SEPTIN9: variants seen among roughly 807,000 people sequenced by gnomAD.
The protein encoded by SEPTIN9 is septin 9, also known as septin-9.
Under a neutral mutation model 56.6 loss-of-function variants are expected in SEPTIN9, and 13 were observed. The observed-to-expected ratio is 0.23, with a 90% confidence interval of 0.15 to 0.37. SEPTIN9 has a LOEUF of 0.37. Among genes scored for constraint, SEPTIN9 ranks in the 10% least tolerant of loss-of-function variants. The probability of loss-of-function intolerance (pLI) is 1.00; values close to 1 mark genes in which losing one functional copy is unlikely to be tolerated. For missense variants in SEPTIN9, 650 were observed against 823.1 expected, an observed-to-expected ratio of 0.79 and a Z score of 2.57; for synonymous variants, 332 against 334.1, an observed-to-expected ratio of 0.99 and a Z score of 0.07.
intron 2 of SEPTIN9, chr17:77,397,088 CGTT>C (rs1249993856): frequency 6.5e-6 from 1 of 154,836 alleles, no homozygotes; most frequent in Non-Finnish European, 1.5e-5. Context: ...CCAGGGGTCT[CGTT>C]GTGAGTGTCC....
intron 2 of SEPTIN9, chr17:77,376,107 G>A: frequency 4.1e-6 from 4 of 986,492 alleles, no homozygotes; most frequent in Non-Finnish European, 4.8e-6. Flanking sequence ...GGCGGACCTT[G>A]AGGGAGAGTA....
Position 77,367,019 on chromosome 17 carries a change from T to C in SEPTIN9, c.77-35040T>C, listed in dbSNP as rs2034591593. Among the ~76,000 whole-genome samples, 1 of 152,318 alleles carries C rather than the reference T, an allele frequency of 6.6e-6. No homozygotes were observed. The highest frequency in any genetic ancestry group is 2.1e-4 in the South Asian group (1 of 4,830). ...AGGCTGGGGGGATCACTGGGAAGTC[T>C]GGGGAACAGATTGGTCATGTGCTTC... On this transcript the variant is annotated intron_variant, in intron 2 of 11. Transcript: ENST00000427177. This position sits in a 1 kb window ranked among gnomAD's most constrained non-coding sequence, Gnocchi z 4.5.
intron 1 of SEPTIN9, among the ~76,000 whole-genome samples, chr17:77,292,338 T>C (rs749844099): frequency 1.3e-5 from 2 of 152,254 alleles, no homozygotes; most frequent in Non-Finnish European, 2.9e-5. Flanking sequence ...TGTTATACTC[T>C]GATGGCTGGA....
In SEPTIN9 at chr17:77,425,501, T is replaced by TTG. The variant is rs2036871614; in HGVS notation, c.721+22798_721+22799insTG. On this transcript the variant is annotated intron_variant, in intron 3 of 11. Coordinates refer to ENST00000427177, the MANE Select transcript of SEPTIN9 (RefSeq NM_001113491.2). The surrounding 1 kb of genome is among the most constrained non-coding windows in gnomAD (Gnocchi z 4.2). ...CCTCTCTGGTCATGGGGACGCTGCC[T>TTG]GGGGGGGGTTCCCTTACATGGAAGG... Among the ~76,000 whole-genome samples, 2 of 151,830 alleles carry TTG rather than the reference T, an allele frequency of 1.3e-5. No individual in the cohort carries two copies. Among genetic ancestry groups the TTG allele is most frequent in the South Asian group, 4.2e-4 (2 of 4,786 alleles).
At chr17:77,290,697 C>A (rs2031504837) in intron 1 of SEPTIN9, among the ~76,000 whole-genome samples, 2 of 149,260 alleles carry the variant, frequency 1.3e-5, no homozygotes. Flanking sequence ...CGCCTGTAGT[C>A]CCAGCTACTC....
At chr17:77,397,979 G>GTTT (rs35934255) in intron 2 of SEPTIN9, among the ~76,000 whole-genome samples, 1 of 141,604 alleles carries the variant, frequency 7.1e-6, no homozygotes. Context: ...GGTTTTGGTT[G>GTTT]TTTTTTTTTT....
intron 1 of SEPTIN9, chr17:77,286,406 AC>A (rs1280197034): frequency 2.0e-5 from 3 of 152,030 alleles, no homozygotes; most frequent in South Asian, 2.1e-4. Flanking sequence ...TCCTGGAACC[AC>A]CCCCCACAAG....
At position 77,499,368 on chromosome 17, in the gene SEPTIN9, A is replaced by ATC. The variant is rs1045238538; in HGVS notation, c.*711_*712dup. ...AGGGAGGCGTCTTCATCTCCCTGCCATCCCCCTCTCACGCCACCCCCGCCC... is the reference window on the plus strand; with the variant it reads ...AGGGAGGCGTCTTCATCTCCCTGCCATCTCCCCCTCTCACGCCACCCCCGCCC... On this transcript the variant is annotated 3_prime_UTR_variant, in exon 12 of 12. Transcript: ENST00000427177. 1.0e-5 allele frequency: 6 copies of ATC among 575,948 alleles called. No individual in the cohort carries two copies. In the African/African-American group the frequency reaches 1.1e-4, roughly 10 times the overall value. 35.7% of individuals were successfully genotyped at this position (575,948 alleles called of 1,614,324 possible). A position where few individuals can be genotyped will look rare whatever the true frequency, so the allele number is the denominator to read the frequency against.
At position 77,402,302 on chromosome 17, in the gene SEPTIN9, G is replaced by A. The variant is rs779842220; in HGVS notation, c.320G>A (p.Arg107His). Reference protein sequence around the residue: ...GPKAAEPVSRRTELSIDISSK... With the variant: ...GPKAAEPVSRHTELSIDISSK... The stretch of plus-strand genomic sequence containing the variant: ...AAGGCGGCCGAGCCGGTGTCCCGGC[G>A]CACTGAGCTGTCCATTGACATCTCG... The change falls in exon 3 of 12, where the codon CGC (arginine) becomes CAC (histidine). Residue 107 changes from arginine to histidine, a missense_variant. Around this residue, in one of 2 missense-constraint regions of SEPTIN9, gnomAD observed 317 missense variants for 329.1 expected, o/e 0.96. Coordinates refer to ENST00000427177, the MANE Select transcript of SEPTIN9 (RefSeq NM_001113491.2). The surrounding 1 kb of genome is among the most constrained non-coding windows in gnomAD (Gnocchi z 6.6). 19 of 1,612,486 alleles carry A rather than the reference G, an allele frequency of 1.2e-5. No homozygotes were observed. Among genetic ancestry groups the A allele is most frequent in the Non-Finnish European group, 1.5e-5 (18 of 1,179,778 alleles).
rs146532833 is a variant in SEPTIN9, at chr17:77,492,882, T to G, written c.1477-98T>G. 684 of 1,283,448 alleles carry G rather than the reference T, an allele frequency of 5.3e-4. No individual in the cohort carries two copies. The African/African-American group carries it at 8.1e-3, about 15-fold the overall frequency. The allele number at this position is 1,283,448 out of a possible 1,614,324, so 79.5% of individuals were successfully genotyped here. The stretch of plus-strand genomic sequence containing the variant: ...GCTGTCAGGCTGAGGCTCTCGTTTT[T>G]GGGGGACCCCAGGCTCAGGGCAGCT... On this transcript the variant is annotated intron_variant, in intron 9 of 11. Coordinates refer to ENST00000427177, the MANE Select transcript of SEPTIN9 (RefSeq NM_001113491.2). This position sits in a 1 kb window ranked among gnomAD's most constrained non-coding sequence, Gnocchi z 5.4.
At position 77,405,886 on chromosome 17, in the gene SEPTIN9, C is replaced by T. The variant is rs1198491464; in HGVS notation, c.721+3183C>T. 6.6e-6 allele frequency among the ~76,000 whole-genome samples: 1 copy of T among 152,234 alleles called. No homozygotes were observed. Among genetic ancestry groups the T allele is most frequent in the African/African-American group, 2.4e-5 (1 of 41,456 alleles). On this transcript the variant is annotated intron_variant, in intron 3 of 11. Transcript: ENST00000427177. The surrounding 1 kb of genome is among the most constrained non-coding windows in gnomAD (Gnocchi z 5.8). ...GGCTGGGCTGGGAGTTCCCTGAGCC[C>T]CGACATGCACAGCTCTGACCAATCT... is the stretch of plus-strand genomic sequence containing the variant.
At chr17:77,301,045 G>A (rs374416766) in intron 1 of SEPTIN9, among the ~76,000 whole-genome samples, 2 of 128,866 alleles carry the variant, frequency 1.6e-5, no homozygotes, top group African/African-American at 3.0e-5. Context: ...CCTATCCCAG[G>A]CTCAAACCGC....
chr17:77,317,875 AC>A lies in SEPTIN9; in HGVS notation c.76+10682del, dbSNP rs1392433343. 6.6e-6 allele frequency among the ~76,000 whole-genome samples: 1 copy of A among 151,740 alleles called. No homozygotes were observed. Among genetic ancestry groups the A allele is most frequent in the Non-Finnish European group, 1.5e-5 (1 of 67,956 alleles). Reference sequence around the variant, plus strand: ...AGATCAGCCTGGCCAATATGGTGAAACCCCGTTTCTACTAAAAATACAAAAA... The same window carrying A: ...AGATCAGCCTGGCCAATATGGTGAAACCCGTTTCTACTAAAAATACAAAAA... On this transcript the variant is annotated intron_variant, in intron 2 of 11. Coordinates refer to ENST00000427177, the MANE Select transcript of SEPTIN9 (RefSeq NM_001113491.2). The surrounding 1 kb of genome is among the most constrained non-coding windows in gnomAD (Gnocchi z 4.2).
At chr17:77,404,417 T>A (rs1455979021) in intron 3 of SEPTIN9, among the ~76,000 whole-genome samples, 2 of 152,174 alleles carry the variant, frequency 1.3e-5, no homozygotes, top group African/African-American at 2.4e-5. Context: ...GGCTAATTTT[T>A]AAATTTTTTT....
At chr17:77,376,350 A>C (rs1325529826) in intron 2 of SEPTIN9, 1 of 985,562 alleles carries the variant, frequency 1.0e-6, no homozygotes, top group East Asian at 1.1e-4. Context: ...CCGTGGGAGC[A>C]CAGGTCTCTT....
At chr17:77,483,150 C>G (rs2039529861) in intron 4 of SEPTIN9, 1 of 153,882 alleles carries the variant, frequency 6.5e-6, no homozygotes, top group East Asian at 1.9e-4. Flanking sequence ...GGGGTTTCTG[C>G]AAGGTGTCTG....
chr17:77,336,267 A>C (rs1472016791), intron 2 of SEPTIN9, among the ~76,000 whole-genome samples: 1 of 152,186 alleles, frequency 6.6e-6, no homozygotes, highest in Non-Finnish European at 1.5e-5. Flanking sequence ...GATGTCTACA[A>C]AAATGCAGTG....
At chr17:77,415,324 C>G (rs866270332) in intron 3 of SEPTIN9, among the ~76,000 whole-genome samples, 2 of 152,108 alleles carry the variant, frequency 1.3e-5, no homozygotes, top group Non-Finnish European at 2.9e-5. Context: ...CAAGAAGTCT[C>G]GGCCAGGCGT....
intron 3 of SEPTIN9, among the ~76,000 whole-genome samples, chr17:77,478,913 T>C (rs1410623314): frequency 6.6e-6 from 1 of 151,488 alleles, no homozygotes; most frequent in Non-Finnish European, 1.5e-5. Flanking sequence ...TTACGCTAAG[T>C]GAAATAATTT....
Sources: gnomAD v4.1 joint callset for allele counts (sites outside exome capture counted in the v4.1 genomes callset) on GRCh38, gnomAD v4.1.1 for gene constraint, gnomAD v4.1.1 regional missense constraint, Gnocchi (gnomAD v3.1) non-coding constraint, MANE v1.5 for transcripts, NCBI Gene and HGNC (gene_info 2026-07-23, HGNC 2026-07-21) for gene names.